The following PIGL variants were observed in gnomAD, a reference collection of about 807,000 sequenced individuals.
PIGL encodes phosphatidylinositol glycan anchor biosynthesis class L, also known as N-acetylglucosaminyl-phosphatidylinositol de-N-acetylase.
A neutral mutation model predicts 31.1 loss-of-function variants in PIGL; 22 were observed. The observed-to-expected ratio is 0.71, with a 90% CI of 0.51 to 1.01. The LOEUF is 1.01. PIGL is among the 50% of genes least tolerant of loss of function. PIGL has a pLI of 0.00. For synonymous variants in PIGL, 131 were observed against 117.4 expected, an observed-to-expected ratio of 1.12 and a Z score of -0.75; for missense variants, 302 against 315.9, an observed-to-expected ratio of 0.96 and a Z score of 0.33.
chr17:16,314,955 C>T (rs887341612), intron 4 of PIGL, among the ~76,000 whole-genome samples: 2 of 152,080 alleles, frequency 1.3e-5, no homozygotes, highest in South Asian at 2.1e-4. Context: ...GATTTCTCTC[C>T]GAGAATTTAC....
intron 2 of PIGL, among the ~76,000 whole-genome samples, chr17:16,243,557 C>A (rs984636406): frequency 6.6e-6 from 1 of 152,078 alleles, no homozygotes; most frequent in Non-Finnish European, 1.5e-5. Context: ...TTTATAGAGC[C>A]AGACTGCCCA....
chr17:16,322,623 G>A (rs1033445222), intron 6 of PIGL, among the ~76,000 whole-genome samples: 1 of 152,098 alleles, frequency 6.6e-6, no homozygotes, highest in African/African-American at 2.4e-5. Flanking sequence ...TTACAAACAT[G>A]TGTCGATCTT....
intron 5 of PIGL, chr17:16,316,984 C>T: frequency 8.1e-7 from 1 of 1,237,450 alleles, no homozygotes; most frequent in Non-Finnish European, 1.0e-6. Flanking sequence ...TGTTTTACAC[C>T]TCTGGTATTC....
chr17:16,300,450 T>G (rs114003054), intron 3 of PIGL, among the ~76,000 whole-genome samples: 3,243 of 152,092 alleles, frequency 0.021, 110 homozygotes, highest in African/African-American at 0.073. Flanking sequence ...GGAGGCCGAG[T>G]TGGACGGATC....
At chr17:16,282,653 G>A (rs1363658700) in intron 2 of PIGL, among the ~76,000 whole-genome samples, 1 of 152,184 alleles carries the variant, frequency 6.6e-6, no homozygotes. Flanking sequence ...TAGTCATGTG[G>A]AAGGAAGGTA....
chr17:16,292,253 C>T (rs571061275), intron 2 of PIGL, among the ~76,000 whole-genome samples: 14 of 151,942 alleles, frequency 9.2e-5, no homozygotes, highest in South Asian at 2.1e-4. Context: ...AGGCTGGTCT[C>T]GATTTCCTGA....
Position 16,234,032 on chromosome 17 carries a change from G to C in PIGL, c.297G>C (p.Leu99Phe). The C allele has an allele frequency of 6.2e-7, 1 of 1,606,128 alleles. No individual in the cohort carries two copies. The highest frequency in any genetic ancestry group is 8.5e-7 in the Non-Finnish European group (1 of 1,172,870). The part of the protein sequence containing the change: ...KKELLQSCDV[L>F]GIPLSSVMII... ...AACTTTTGCAGAGCTGTGATGTTTT[G>C]GGGATTCCACTCTCCAGTGTAATGA... The change falls in exon 2 of 7, where the codon TTG becomes TTC. Residue 99 changes from leucine (L) to phenylalanine (F), a missense_variant. Leu to Phe is a conservative substitution (Grantham distance 22). Coordinates refer to ENST00000225609, the MANE Select transcript of PIGL (RefSeq NM_004278.4).
chr17:16,300,074 C>T, intron 3 of PIGL, 96 bp downstream of exon 3: 1 of 878,398 alleles, frequency 1.1e-6, no homozygotes, highest in Non-Finnish European at 1.9e-6. Flanking sequence ...CCTCCCACTT[C>T]CAGTCCTTCT....
chr17:16,229,285 AC>A (rs2092667701), intron 1 of PIGL, among the ~76,000 whole-genome samples: 1 of 151,766 alleles, frequency 6.6e-6, no homozygotes, highest in Non-Finnish European at 1.5e-5. Context: ...TCAAAAAAAA[AC>A]TTCATTTCTT....
intron 2 of PIGL, among the ~76,000 whole-genome samples, chr17:16,235,435 CTTTTTTTT>C (rs903174807): frequency 5.5e-5 from 5 of 90,926 alleles, no homozygotes; most frequent in African/African-American, 1.9e-4. Context: ...TGTCTACGTT[CTTTTTTTT>C]TTTTTTTTTT....
At chr17:16,236,049 A>G (rs1404948968) in intron 2 of PIGL, among the ~76,000 whole-genome samples, 1 of 152,164 alleles carries the variant, frequency 6.6e-6, no homozygotes, top group African/African-American at 2.4e-5. Context: ...TATGTGTACT[A>G]TCTATAATTC....
intron 3 of PIGL, among the ~76,000 whole-genome samples, chr17:16,311,979 T>C (rs1052411519): frequency 1.3e-5 from 2 of 152,014 alleles, no homozygotes; most frequent in Admixed American, 6.5e-5. Context: ...TGGGTACACC[T>C]CCCAGACGGG....
In PIGL at chr17:16,325,845, C is replaced by A; in HGVS notation, c.706C>A (p.Leu236Ile). 6.2e-7 allele frequency: 1 copy of A among 1,614,064 alleles called. No individual in the cohort carries two copies. The highest frequency in any genetic ancestry group is 1.7e-4 in the Middle Eastern group (1 of 6,058). ...HRSQLLWFRR[L>I]YIIFSRYMRI... ...CAGCCAGCTCCTCTGGTTCCGCCGC[C>A]TCTACATTATCTTCTCCCGGTACAT... is the stretch of plus-strand genomic sequence containing the variant. Residue 236 changes from leucine to isoleucine, a missense_variant, in exon 7 of 7, where the codon CTC becomes ATC. Transcript: ENST00000225609.
At chr17:16,253,359 G>A (rs1396767474) in intron 2 of PIGL, among the ~76,000 whole-genome samples, 1 of 152,104 alleles carries the variant, frequency 6.6e-6, no homozygotes, top group African/African-American at 2.4e-5. Flanking sequence ...ATGACCTACT[G>A]TTTGGCAAAA....
chr17:16,325,033 A>T (rs1280679521), intron 6 of PIGL, among the ~76,000 whole-genome samples: 1 of 152,068 alleles, frequency 6.6e-6, no homozygotes, highest in Non-Finnish European at 1.5e-5. Flanking sequence ...TTGAGGTAGT[A>T]GCAACGTGAT....
intron 1 of PIGL, among the ~76,000 whole-genome samples, chr17:16,226,302 C>T (rs1160799509): frequency 3.9e-5 from 6 of 152,160 alleles, no homozygotes; most frequent in Middle Eastern, 3.2e-3. Flanking sequence ...CATGCACTTA[C>T]GTATCTGGCT....
At chr17:16,290,275 G>A (rs1303376788) in intron 2 of PIGL, among the ~76,000 whole-genome samples, 1 of 151,718 alleles carries the variant, frequency 6.6e-6, no homozygotes, top group Non-Finnish European at 1.5e-5. Flanking sequence ...TAGAAATGGG[G>A]TTTCCACATG....
intron 3 of PIGL, 67 bp from the exon 4 acceptor site, chr17:16,313,480 G>A: frequency 1.8e-6 from 2 of 1,127,986 alleles, no homozygotes; most frequent in South Asian, 1.2e-5. Context: ...CCAAGGGAAG[G>A]AGACAGCTCC....
intron 2 of PIGL, among the ~76,000 whole-genome samples, chr17:16,280,740 C>G (rs1005123595): frequency 4.6e-5 from 7 of 152,156 alleles, no homozygotes; most frequent in African/African-American, 1.7e-4. Context: ...GAGTCTCGCT[C>G]TGTCACCCAG....
Sources: allele counts gnomAD v4.1 joint callset (sites outside exome capture counted in the v4.1 genomes callset), GRCh38; gene constraint gnomAD v4.1.1; transcripts MANE v1.5; gene names NCBI Gene and HGNC (gene_info 2026-07-23, HGNC 2026-07-21).